ADAM32: variants seen among roughly 807,000 people sequenced by gnomAD.
ADAM32 encodes the protein disintegrin and metalloproteinase domain-containing protein 32.
A neutral mutation model predicts 114.9 loss-of-function variants in ADAM32; 89 were observed. The observed-to-expected ratio is 0.77, with a 90% CI of 0.65 to 0.92. ADAM32 has a LOEUF of 0.92. Among genes scored for constraint, ADAM32 ranks in the 40% least tolerant of loss-of-function variants. The pLI, the probability that ADAM32 is intolerant of heterozygous loss-of-function variation, is 0.00. For synonymous variants in ADAM32, 285 were observed against 307.5 expected (o/e 0.93, Z 0.77); for missense variants, 870 against 932.8 (o/e 0.93, Z 0.88).
At chr8:39,165,576 A>C (rs1804779305) in intron 9 of ADAM32, 1 of 154,696 alleles carries the variant, frequency 6.5e-6, no homozygotes, top group African/African-American at 2.4e-5. Context: ...GCTTTGACCA[A>C]AGACTTGGTA....
At chr8:39,248,494 G>A (rs531866574) in intron 17 of ADAM32, among the ~76,000 whole-genome samples, 7 of 152,144 alleles carry the variant, frequency 4.6e-5, no homozygotes, top group Non-Finnish European at 1.0e-4. Context: ...TCATTTGTTC[G>A]TTGCTGGTGT....
At chr8:39,228,021 A>G (rs1036332243) in intron 14 of ADAM32, among the ~76,000 whole-genome samples, 1 of 152,132 alleles carries the variant, frequency 6.6e-6, no homozygotes, top group Non-Finnish European at 1.5e-5. Context: ...GCAGACACCC[A>G]CCAGTACCAG....
chr8:39,145,185 A>G (rs1803426406), intron 3 of ADAM32, among the ~76,000 whole-genome samples: 1 of 152,196 alleles, frequency 6.6e-6, no homozygotes, highest in African/African-American at 2.4e-5. Context: ...ATATGGAAAG[A>G]ACATGGATTG....
At position 39,187,098 on chromosome 8, in the gene ADAM32, A is replaced by G. The variant is rs75679033; in HGVS notation, c.1052+53A>G. The G allele has an allele frequency of 1.5e-3, 2,192 of 1,503,290 alleles. 52 individuals are homozygous for G. In the East Asian group the frequency reaches 0.04, roughly 27 times the overall value. The allele number at this position is 1,503,290 out of a possible 1,614,324, so 93.1% of individuals were successfully genotyped here. A position where few individuals can be genotyped will look rare whatever the true frequency, so the allele number is the denominator to read the frequency against. On this transcript the variant is annotated intron_variant, in intron 11 of 24. Transcript: ENST00000379907. ...TATGTTTATTTCATTTTAAATATTC[A>G]GAGTGTGAAAATTTAGTATTTACTT...
intron 14 of ADAM32, among the ~76,000 whole-genome samples, chr8:39,230,323 G>A (rs1393285955): frequency 6.6e-6 from 1 of 152,136 alleles, no homozygotes; most frequent in Non-Finnish European, 1.5e-5. Context: ...CTGAGAGAAA[G>A]TGATCATCTA....
chr8:39,225,016 A>G (rs565833444), intron 14 of ADAM32, among the ~76,000 whole-genome samples: 32 of 152,270 alleles, frequency 2.1e-4, no homozygotes, highest in African/African-American at 7.2e-4. Context: ...TCTGCAGAGG[A>G]CAGAGGCGTC....
intron 14 of ADAM32, among the ~76,000 whole-genome samples, chr8:39,225,718 C>A (rs1158579337): frequency 1.3e-5 from 2 of 152,160 alleles, no homozygotes; most frequent in Non-Finnish European, 2.9e-5. Flanking sequence ...GTACACTGCT[C>A]TGTCTTCACC....
chr8:39,133,946 C>G (rs1182997263), intron 2 of ADAM32, among the ~76,000 whole-genome samples: 11 of 152,104 alleles, frequency 7.2e-5, no homozygotes, highest in Admixed American at 7.2e-4. Context: ...GCTGGCAGCC[C>G]CAGGCAGGTA....
chr8:39,123,863 C>T (rs1194012627), intron 2 of ADAM32, among the ~76,000 whole-genome samples: 2 of 151,932 alleles, frequency 1.3e-5, no homozygotes, highest in East Asian at 1.9e-4. Flanking sequence ...CACGCCATGA[C>T]ACCCAGCTAA....
chr8:39,278,517 C>T (rs1267306279), intron 22 of ADAM32, among the ~76,000 whole-genome samples: 1 of 152,082 alleles, frequency 6.6e-6, no homozygotes, highest in Non-Finnish European at 1.5e-5. Flanking sequence ...CCAGTCTTTT[C>T]CTAAGCAACA....
chr8:39,211,064 AT>A, intron 11 of ADAM32, 79 bp from the exon 12 acceptor site: 1 of 1,187,722 alleles, frequency 8.4e-7, no homozygotes. Context: ...TGAATTTAAC[AT>A]TTTGAAATTA....
chr8:39,174,304 T>C (rs1805377075), intron 10 of ADAM32, among the ~76,000 whole-genome samples: 1 of 152,208 alleles, frequency 6.6e-6, no homozygotes, highest in East Asian at 1.9e-4. Context: ...AGTTCTCTAT[T>C]CTGTTCTATT....
chr8:39,249,636 A>T (rs1184300573), intron 17 of ADAM32, among the ~76,000 whole-genome samples: 1 of 152,198 alleles, frequency 6.6e-6, no homozygotes, highest in Non-Finnish European at 1.5e-5. Flanking sequence ...CTCAGCAAAC[A>T]ATTATCTGTA....
chr8:39,282,895 T>C (rs1345474069), intron 23 of ADAM32, among the ~76,000 whole-genome samples: 3 of 152,144 alleles, frequency 2.0e-5, no homozygotes, highest in Admixed American at 2.0e-4. Context: ...GTCAGAGTAG[T>C]AGGAAAAATC....
At chr8:39,116,198 G>C (rs909091032) in intron 1 of ADAM32, among the ~76,000 whole-genome samples, 3 of 152,126 alleles carry the variant, frequency 2.0e-5, no homozygotes, top group South Asian at 2.1e-4. Flanking sequence ...TTTTTGCTTA[G>C]GATTGCTTTG....
intron 9 of ADAM32, chr8:39,169,585 T>G (rs577792754): frequency 5.7e-6 from 1 of 175,444 alleles, no homozygotes; most frequent in African/African-American, 2.4e-5. Context: ...TGAAACGATT[T>G]GTCACTGTCA....
intron 3 of ADAM32, among the ~76,000 whole-genome samples, chr8:39,140,348 A>G (rs1803067620): frequency 6.6e-6 from 1 of 152,138 alleles, no homozygotes; most frequent in Non-Finnish European, 1.5e-5. Context: ...TGGTTTATTG[A>G]GAGTTTTTAG....
rs892268253 is a variant in ADAM32 at position 39,162,832 on chromosome 8, C to G, written c.594+1867C>G. On this transcript the variant is annotated intron_variant, in intron 7 of 24. Coordinates refer to ENST00000379907, the MANE Select transcript of ADAM32 (RefSeq NM_145004.7). ...CCTGGCCAACATTGTGAAACCTTGT[C>G]TCTACTAAAAACACAAAAATTAGCC... Among the ~76,000 whole-genome samples the G allele has an allele frequency of 5.9e-5, 9 of 152,198 alleles. 1 individual carries two copies. In the East Asian group the frequency reaches 1.7e-3, roughly 29 times the overall value.
intron 10 of ADAM32, among the ~76,000 whole-genome samples, chr8:39,180,185 G>A (rs1805766033): frequency 6.6e-6 from 1 of 152,230 alleles, no homozygotes. Context: ...GGTGGGCGTG[G>A]GCTTGGCGGG....
Sources: gnomAD v4.1 joint callset for allele counts (sites outside exome capture counted in the v4.1 genomes callset) on GRCh38, gnomAD v4.1.1 for gene constraint, MANE v1.5 for transcripts, NCBI Gene and HGNC (gene_info 2026-07-23, HGNC 2026-07-21) for gene names.